Variants in ANKRD60 observed in about 807,000 individuals in gnomAD.
The protein encoded by ANKRD60 is ankyrin repeat domain-containing protein 60.
Under a neutral mutation model 21.3 loss-of-function variants are expected in ANKRD60, and 24 were observed. That is an observed-to-expected ratio of 1.13 (90% CI 0.82 to 1.59). The LOEUF (loss-of-function observed/expected upper bound fraction) is 1.59, where lower values mean the gene tolerates loss of function less well. Among genes scored for constraint, ANKRD60 ranks in the 40% most tolerant of loss-of-function variants. The pLI is 0.00. For missense variants in ANKRD60, 490 were observed against 466.7 expected, an observed-to-expected ratio of 1.05 and a Z score of -0.46; for synonymous variants, 182 against 199.4, an observed-to-expected ratio of 0.91 and a Z score of 0.74.
At chr20:58,221,407 C>T in exon 3 of ANKRD60, 4 of 1,552,380 alleles carry the variant, frequency 2.6e-6, no homozygotes, top group Non-Finnish European at 3.5e-6. Flanking sequence ...GCCACAAACG[C>T]CCTCTGAGAC....
rs1600686549 is a variant in ANKRD60 at position 58,228,647 on chromosome 20, G to T, written c.7C>A (p.Arg3Ser). The T allele has an allele frequency of 2.0e-6, 2 of 981,978 alleles. No individual in the cohort carries two copies. The highest frequency in any genetic ancestry group is 2.4e-6 in the Non-Finnish European group (2 of 823,146). 60.8% of individuals were successfully genotyped at this position (981,978 alleles called of 1,614,324 possible). A position where few individuals can be genotyped will look rare whatever the true frequency, so the allele number is the denominator to read the frequency against. The change falls in exon 1 of 4, where the codon CGC (arginine) becomes AGC (serine). Residue 3 changes from arginine (R) to serine (S), a missense_variant. Coordinates refer to ENST00000457363, the Ensembl canonical transcript of ANKRD60. The surrounding 1 kb of genome is among the most constrained non-coding windows in gnomAD (Gnocchi z 5.3). The stretch of plus-strand genomic sequence containing the variant: ...CGCCGCATCCCCCAGGCGCGGCCGC[G>T]CGTCATCCGCGGCTCGAGTGCGGTG...
At chr20:58,218,802 G>A in exon 4 of ANKRD60, 3 of 1,532,466 alleles carry the variant, frequency 2.0e-6, no homozygotes, top group Non-Finnish European at 2.6e-6. Flanking sequence ...GAGGCAGCTG[G>A]CTCCTGTAAA....
chr20:58,223,118 T>C (rs1014990535), exon 2 of ANKRD60: 55 of 1,551,656 alleles, frequency 3.5e-5, no homozygotes, highest in African/African-American at 8.2e-5. Context: ...GCCAGATACA[T>C]AATGAAATAA....
At chr20:58,225,105 C>T (rs1691859637) in intron 1 of ANKRD60, among the ~76,000 whole-genome samples, 2 of 152,196 alleles carry the variant, frequency 1.3e-5, no homozygotes, top group African/African-American at 2.4e-5. Context: ...TTGCCACCCA[C>T]AGCAAGGACT....
intron 3 of ANKRD60, among the ~76,000 whole-genome samples, chr20:58,220,415 T>C (rs1346441074): frequency 6.6e-6 from 1 of 151,998 alleles, no homozygotes; most frequent in Non-Finnish European, 1.5e-5. Flanking sequence ...TGTACACCTA[T>C]GGAATACTAT....
At position 58,228,650 on chromosome 20, in the gene ANKRD60, T is replaced by C; in HGVS notation, c.4A>G (p.Thr2Ala). 1.0e-6 allele frequency: 1 copy of C among 957,924 alleles called. No homozygotes were observed. The highest frequency in any genetic ancestry group is 1.2e-6 in the Non-Finnish European group (1 of 805,306). The allele number at this position is 957,924 out of a possible 1,614,324, so 59.3% of individuals were successfully genotyped here. ...CGCATCCCCCAGGCGCGGCCGCGCG[T>C]CATCCGCGGCTCGAGTGCGGTGGCC... The change falls in exon 1 of 4, where the codon ACG (threonine) becomes GCG (alanine). Residue 2 changes from threonine to alanine, a missense_variant. By Grantham distance (58) the Thr-to-Ala change is moderately conservative. Transcript: ENST00000457363. The surrounding 1 kb of genome is among the most constrained non-coding windows in gnomAD (Gnocchi z 5.3).
At chr20:58,218,405 C>T (rs984253202), downstream of ANKRD60, 1 of 1,291,760 alleles carries the variant, frequency 7.7e-7, no homozygotes, top group Non-Finnish European at 1.1e-6. Context: ...CCCTGTTTTC[C>T]TGCCTCCCTG....
chr20:58,228,509 C>A lies in ANKRD60; in HGVS notation c.145G>T (p.Gly49Cys). 7.0e-7 allele frequency: 1 copy of A among 1,432,148 alleles called. No homozygotes were observed. Among genetic ancestry groups the A allele is most frequent in the Non-Finnish European group, 9.1e-7 (1 of 1,101,650 alleles). The allele number at this position is 1,432,148 out of a possible 1,614,324, so 88.7% of individuals were successfully genotyped here. A position where few individuals can be genotyped will look rare whatever the true frequency, so the allele number is the denominator to read the frequency against. ...TCCGCCGAGCCCACCCTGGGCCCGC[C>A]GCACCCCTGAGCCCCGGCCCGCGCA... Residue 49 changes from glycine (G) to cysteine (C), a missense_variant, in exon 1 of 4, where the codon GGC (glycine) becomes TGC (cysteine). Transcript: ENST00000457363. This position sits in a 1 kb window ranked among gnomAD's most constrained non-coding sequence, Gnocchi z 5.3.
chr20:58,216,388 C>T (rs886329657), downstream of ANKRD60, among the ~76,000 whole-genome samples: 1 of 152,182 alleles, frequency 6.6e-6, no homozygotes, highest in Non-Finnish European at 1.5e-5. Flanking sequence ...GCAGTTGGCT[C>T]TCCAAACAAC....
At chr20:58,218,859 A>AG in intron 3 of ANKRD60, 54 bp from the exon 4 acceptor site, 2 of 1,472,764 alleles carry the variant, frequency 1.4e-6, no homozygotes, top group Non-Finnish European at 1.8e-6. Context: ...GGAACACAGG[A>AG]GGGGTCCAGG....
exon 3 of ANKRD60, chr20:58,221,406 G>A (rs973043326): frequency 1.4e-5 from 21 of 1,552,182 alleles, no homozygotes; most frequent in Middle Eastern, 1.7e-4. Context: ...CGCCACAAAC[G>A]CCCTCTGAGA....
At chr20:58,221,257 CT>C in intron 3 of ANKRD60, 80 bp downstream of exon 3, 1 of 1,428,016 alleles carries the variant, frequency 7.0e-7, no homozygotes, top group Non-Finnish European at 9.4e-7. Context: ...GCTGGAAGGA[CT>C]GGGAACACAA....
chr20:58,219,938 C>T (rs1253588515), intron 3 of ANKRD60, among the ~76,000 whole-genome samples: 2 of 152,198 alleles, frequency 1.3e-5, no homozygotes, highest in African/African-American at 4.8e-5. Context: ...AAGCAAAGAG[C>T]AGACAGGCAG....
chr20:58,228,610 C>T lies in ANKRD60; in HGVS notation c.44G>A (p.Gly15Glu), dbSNP rs1984422441. The T allele has an allele frequency of 9.7e-7, 1 of 1,026,358 alleles. No individual in the cohort carries two copies. Among genetic ancestry groups the T allele is most frequent in the Non-Finnish European group, 1.2e-6 (1 of 853,994 alleles). The allele number at this position is 1,026,358 out of a possible 1,614,324, so 63.6% of individuals were successfully genotyped here. The change falls in exon 1 of 4, where the codon GGG becomes GAG. Residue 15 changes from glycine (G) to glutamate (E), a missense_variant. Physicochemically the swap from Gly to Glu is moderately conservative, Grantham distance 98. Transcript: ENST00000457363. This position sits in a 1 kb window ranked among gnomAD's most constrained non-coding sequence, Gnocchi z 5.3. ...CCCCGCCGCCCGCGCTCCGCCCGCC[C>T]CCGCCGCCGCCCGCCGCATCCCCCA...
intron 3 of ANKRD60, 127 bp downstream of exon 3, chr20:58,221,211 C>T (rs521615): frequency 0.86 from 899,942 of 1,042,070 alleles, 390,512 homozygotes; most frequent in Admixed American, 0.91. Context: ...GGGACCCTGA[C>T]TGGTGGCTGA....
At chr20:58,221,488 G>A (rs1568836996) in exon 3 of ANKRD60, 23 of 1,551,746 alleles carry the variant, frequency 1.5e-5, no homozygotes, top group Non-Finnish European at 1.9e-5. Context: ...TCTTCAGTAA[G>A]CCCGAGACAA....
At chr20:58,217,362 G>A (rs1416174077), downstream of ANKRD60, among the ~76,000 whole-genome samples, 1 of 152,050 alleles carries the variant, frequency 6.6e-6, no homozygotes, top group Non-Finnish European at 1.5e-5. Context: ...CCAGGAGGCA[G>A]AGGTTGCAGT....
At chr20:58,222,437 C>G (rs1486457533) in intron 2 of ANKRD60, among the ~76,000 whole-genome samples, 1 of 152,230 alleles carries the variant, frequency 6.6e-6, no homozygotes, top group Non-Finnish European at 1.5e-5. Context: ...TCTTCTTCTC[C>G]AGGAGCACAT....
downstream of ANKRD60, among the ~76,000 whole-genome samples, chr20:58,216,231 G>A (rs745959505): frequency 3.9e-5 from 6 of 152,126 alleles, no homozygotes; most frequent in Non-Finnish European, 8.8e-5. Context: ...CAGGACCTAC[G>A]AGTGTTCAGA....
Sources: allele counts gnomAD v4.1 joint callset (sites outside exome capture counted in the v4.1 genomes callset), GRCh38; gene constraint gnomAD v4.1.1; non-coding constraint Gnocchi (gnomAD v3.1); transcripts MANE v1.5; gene names NCBI Gene and HGNC (gene_info 2026-07-23, HGNC 2026-07-21).